Variants in GRIA3 observed in about 807,000 individuals in gnomAD.
GRIA3 encodes glutamate receptor 3.
GRIA3 carries 3 observed loss-of-function variants against 63.0 expected under a neutral mutation model. The ratio of observed to expected loss-of-function variants is 0.05; its 90% CI spans 0.02 to 0.12. The LOEUF is 0.12. Among genes scored for constraint, GRIA3 ranks in the 10% least tolerant of loss-of-function variants. The pLI, the probability that GRIA3 is intolerant of heterozygous loss-of-function variation, is 1.00. For missense variants in GRIA3, 347 were observed against 700.9 expected, an observed-to-expected ratio of 0.50 and a Z score of 5.70; for synonymous variants, 274 against 257.9, an observed-to-expected ratio of 1.06 and a Z score of -0.60.
chrX:123,298,550 T>C (rs2044700415), intron 3 of GRIA3, among the ~76,000 whole-genome samples: 1 of 111,962 alleles, frequency 8.9e-6, no homozygotes, highest in African/African-American at 3.2e-5. Context: ...TGTCTATTCA[T>C]GTCCTTTTGC....
chrX:123,224,278 G>A lies in GRIA3; in HGVS notation c.269-29025G>A, dbSNP rs748316715. ...TAGCCCTTTTCTCACTTTTGCAAAA[G>A]CTTCCATGCTATGACTTACATGATT... On this transcript the variant is annotated intron_variant, in intron 2 of 15. Coordinates refer to ENST00000620443, the MANE Select transcript of GRIA3 (RefSeq NM_007325.5). 1.7e-4 allele frequency among the ~76,000 whole-genome samples: 19 copies of A among 111,702 alleles called. No homozygotes were observed. The East Asian group carries it at 5.4e-3, about 32-fold the overall frequency.
intron 2 of GRIA3, among the ~76,000 whole-genome samples, chrX:123,200,780 C>A (rs1179397336): frequency 9.0e-6 from 1 of 111,287 alleles, no homozygotes; most frequent in African/African-American, 3.3e-5. Context: ...TACTTGCTGA[C>A]TTTTAGTTTT....
At chrX:123,200,608 T>TACACACACACACACACAC (rs200626306) in intron 2 of GRIA3, among the ~76,000 whole-genome samples, 2 of 76,393 alleles carry the variant, frequency 2.6e-5, no homozygotes, top group African/African-American at 8.1e-5. Context: ...CACACATACA[T>TACACACACACACACACAC]ACACACACAC....
At chrX:123,192,265 G>A (rs761669005) in intron 2 of GRIA3, among the ~76,000 whole-genome samples, 6 of 111,618 alleles carry the variant, frequency 5.4e-5, no homozygotes, top group African/African-American at 2.0e-4. Context: ...AGGCTGGTGT[G>A]GAGACTGAAC....
intron 3 of GRIA3, among the ~76,000 whole-genome samples, chrX:123,317,393 A>G (rs1233738776): frequency 9.0e-6 from 1 of 111,716 alleles, no homozygotes; most frequent in African/African-American, 3.3e-5. Flanking sequence ...AAAAGTCCAC[A>G]GTCCAAAGTC....
At chrX:123,309,486 A>G (rs1049173668) in intron 3 of GRIA3, among the ~76,000 whole-genome samples, 1 of 112,159 alleles carries the variant, frequency 8.9e-6, no homozygotes, top group Non-Finnish European at 1.9e-5. Context: ...TCTTTGCTCA[A>G]ATAATAGCTA....
intron 2 of GRIA3, among the ~76,000 whole-genome samples, chrX:123,200,590 TACACACACACACATACATACACACACAC>T (rs1927703425): frequency 1.2e-5 from 1 of 82,553 alleles, no homozygotes; most frequent in Admixed American, 1.4e-4. Context: ...TATATACATA[TACACACACACACATACATACACACACAC>T]ACACACACAC....
At chrX:123,329,079 A>G (rs1193058813) in intron 4 of GRIA3, among the ~76,000 whole-genome samples, 1 of 111,716 alleles carries the variant, frequency 9.0e-6, no homozygotes, top group Non-Finnish European at 1.9e-5. Context: ...TTATAATCCA[A>G]TCAGTATTAA....
In GRIA3 at chrX:123,302,998, C is replaced by T. The variant is rs764547113; in HGVS notation, c.509-23028C>T. On this transcript the variant is annotated intron_variant, in intron 3 of 15. Transcript: ENST00000620443. ...ATCTGAGTTTCATAGCAAAAACTTTCCACTGCCAACCCCTTCACAATTTTT... is the reference window on the plus strand; with the variant it reads ...ATCTGAGTTTCATAGCAAAAACTTTTCACTGCCAACCCCTTCACAATTTTT... 6.3e-5 allele frequency among the ~76,000 whole-genome samples: 7 copies of T among 111,635 alleles called. No individual in the cohort carries two copies. The South Asian group carries it at 2.3e-3, about 36-fold the overall frequency.
chrX:123,371,243 C>T (rs1013716311), intron 5 of GRIA3, among the ~76,000 whole-genome samples: 2 of 110,351 alleles, frequency 1.8e-5, no homozygotes, highest in Non-Finnish European at 3.8e-5. Flanking sequence ...AATAGTACTC[C>T]ATTGTATATA....
intron 3 of GRIA3, among the ~76,000 whole-genome samples, chrX:123,308,112 C>G (rs2044766621): frequency 3.6e-5 from 4 of 111,874 alleles, no homozygotes; most frequent in African/African-American, 1.3e-4. Flanking sequence ...CTACACTGTT[C>G]ATGTCCCATC....
intron 5 of GRIA3, among the ~76,000 whole-genome samples, chrX:123,388,273 C>A (rs1010010308): frequency 7.2e-5 from 8 of 110,910 alleles, no homozygotes; most frequent in Admixed American, 2.9e-4. Context: ...TGAGACAGGG[C>A]CTCACTCTGT....
At chrX:123,431,002 A>G (rs2045614912) in intron 12 of GRIA3, among the ~76,000 whole-genome samples, 1 of 93,759 alleles carries the variant, frequency 1.1e-5, no homozygotes, top group African/African-American at 3.7e-5. Flanking sequence ...ACAAAACAAA[A>G]CAAAACAAAA....
rs371321005 is a variant in GRIA3 at position 123,437,333 on chromosome X, T to G, written c.2076+9194T>G. On this transcript the variant is annotated intron_variant, in intron 12 of 15. Coordinates refer to ENST00000620443, the MANE Select transcript of GRIA3 (RefSeq NM_007325.5). Reference sequence around the variant, plus strand: ...TGTATAGAATAATTCCAGGTACGGATAGGTGCTCCAGGATGCTATAATAAA... The same window carrying G: ...TGTATAGAATAATTCCAGGTACGGAGAGGTGCTCCAGGATGCTATAATAAA... 3.6e-5 allele frequency among the ~76,000 whole-genome samples: 4 copies of G among 110,518 alleles called. No homozygotes were observed. In the East Asian group the frequency reaches 8.5e-4, roughly 23 times the overall value.
At chrX:123,442,315 C>A (rs1183268380) in intron 12 of GRIA3, among the ~76,000 whole-genome samples, 1 of 111,700 alleles carries the variant, frequency 9.0e-6, no homozygotes, top group Non-Finnish European at 1.9e-5. Flanking sequence ...GACTATTTAG[C>A]CTGAAGAAGA....
At chrX:123,388,458 G>A (rs184317948) in intron 5 of GRIA3, among the ~76,000 whole-genome samples, 4 of 111,410 alleles carry the variant, frequency 3.6e-5, no homozygotes, top group African/African-American at 1.3e-4. Flanking sequence ...TGTTGCCCTG[G>A]CTGGTCTTGA....
chrX:123,191,673 C>A (rs781280383), intron 2 of GRIA3, among the ~76,000 whole-genome samples: 1 of 110,990 alleles, frequency 9.0e-6, no homozygotes, highest in Admixed American at 9.6e-5. Flanking sequence ...ACTAAACTTA[C>A]CTAGGGACTA....
intron 11 of GRIA3, among the ~76,000 whole-genome samples, chrX:123,419,502 A>G (rs143960816): frequency 6.3e-5 from 7 of 110,628 alleles, no homozygotes; most frequent in Non-Finnish European, 1.3e-4. Context: ...TGAATATCTC[A>G]TATTGTATGA....
intron 12 of GRIA3, among the ~76,000 whole-genome samples, chrX:123,430,664 G>C (rs181150550): frequency 2.4e-4 from 26 of 110,596 alleles, no homozygotes; most frequent in African/African-American, 8.5e-4. Flanking sequence ...ATTCTTCAGT[G>C]ATGTCAAGTC....
Sources: gnomAD v4.1 joint callset for allele counts (sites outside exome capture counted in the v4.1 genomes callset) on GRCh38, gnomAD v4.1.1 for gene constraint, MANE v1.5 for transcripts, NCBI Gene and HGNC (gene_info 2026-07-23, HGNC 2026-07-21) for gene names.